The following GALNT17 variants were observed in gnomAD, a reference collection of about 807,000 sequenced individuals.
GALNT17 encodes the protein polypeptide N-acetylgalactosaminyltransferase 17.
Under a neutral mutation model 63.7 loss-of-function variants are expected in GALNT17, and 29 were observed. The observed-to-expected ratio is 0.46, with a 90% confidence interval of 0.34 to 0.62. GALNT17 has a LOEUF of 0.62. Ranked by LOEUF, GALNT17 falls within the 20% of genes least tolerant of loss-of-function variation. GALNT17 has a pLI of 0.01. For missense variants in GALNT17, 603 were observed against 799.6 expected (o/e 0.75, Z 2.97); for synonymous variants, 305 against 318.3 (o/e 0.96, Z 0.45).
chr7:71,274,990 C>G (rs1481669995), intron 1 of GALNT17, among the ~76,000 whole-genome samples: 2 of 152,216 alleles, frequency 1.3e-5, no homozygotes, highest in African/African-American at 4.8e-5. Flanking sequence ...GCCTCTGGCC[C>G]TGGGTCACCA....
Position 71,703,852 on chromosome 7 carries a change from A to G in GALNT17, c.1501-6909A>G, listed in dbSNP as rs1584150300. Among the ~76,000 whole-genome samples the G allele has an allele frequency of 3.3e-5, 5 of 152,306 alleles. No individual in the cohort carries two copies. The East Asian group carries it at 9.7e-4, about 29-fold the overall frequency. On this transcript the variant is annotated intron_variant, in intron 9 of 10. Transcript: ENST00000333538. Reference sequence around the variant, plus strand: ...GAAGGAAATGAGAGTGAAGGAAGACAGGTTTTTGAGAAGTAAGGGAGACAA... The same window carrying G: ...GAAGGAAATGAGAGTGAAGGAAGACGGGTTTTTGAGAAGTAAGGGAGACAA...
chr7:71,405,341 C>T (rs1793309707), intron 3 of GALNT17, among the ~76,000 whole-genome samples: 1 of 152,028 alleles, frequency 6.6e-6, no homozygotes, highest in South Asian at 2.1e-4. Flanking sequence ...TAAGAAGTAC[C>T]TCAGGTTGGG....
chr7:71,435,639 G>A (rs999206923), intron 5 of GALNT17, among the ~76,000 whole-genome samples: 3 of 152,016 alleles, frequency 2.0e-5, no homozygotes, highest in Non-Finnish European at 4.4e-5. Context: ...CAAGAGGACG[G>A]CATCAATTCC....
In GALNT17 at chr7:71,238,967, C is replaced by T. The variant is rs568090747; in HGVS notation, c.239-96583C>T. On this transcript the variant is annotated intron_variant, in intron 1 of 10. Transcript: ENST00000333538. Reference sequence around the variant, plus strand: ...CCGTGAGGTCCCCTTGTAGATAAGCCACATGGCAAGGGCTTGAGGCCTGTC... The same window carrying T: ...CCGTGAGGTCCCCTTGTAGATAAGCTACATGGCAAGGGCTTGAGGCCTGTC... 5.3e-5 allele frequency among the ~76,000 whole-genome samples: 8 copies of T among 152,246 alleles called. No individual in the cohort carries two copies. The East Asian group carries it at 9.7e-4, about 18-fold the overall frequency.
intron 1 of GALNT17, among the ~76,000 whole-genome samples, chr7:71,275,599 C>T (rs1246131605): frequency 6.6e-6 from 1 of 152,130 alleles, no homozygotes; most frequent in Non-Finnish European, 1.5e-5. Context: ...GCGCCTGTCA[C>T]ATGTAAAGGC....
At chr7:71,599,849 A>T (rs1184336479) in intron 6 of GALNT17, among the ~76,000 whole-genome samples, 1 of 152,058 alleles carries the variant, frequency 6.6e-6, no homozygotes, top group Non-Finnish European at 1.5e-5. Context: ...GCACTATTGC[A>T]ATTGACATTT....
At chr7:71,432,394 A>G (rs1172798184) in intron 5 of GALNT17, among the ~76,000 whole-genome samples, 2 of 152,154 alleles carry the variant, frequency 1.3e-5, no homozygotes, top group African/African-American at 2.4e-5. Flanking sequence ...AGAGCCTTGC[A>G]TGACTCTCCT....
chr7:71,619,338 G>C (rs754845874), intron 6 of GALNT17, among the ~76,000 whole-genome samples: 11 of 152,108 alleles, frequency 7.2e-5, no homozygotes, highest in Non-Finnish European at 1.2e-4. Flanking sequence ...GAATGACATT[G>C]GTTGTTTAAT....
chr7:71,398,716 G>A (rs1188240346), intron 3 of GALNT17, among the ~76,000 whole-genome samples: 2 of 152,194 alleles, frequency 1.3e-5, no homozygotes, highest in Non-Finnish European at 2.9e-5. Flanking sequence ...TTAAGGGTAT[G>A]GGATTTGTCT....
chr7:71,639,157 A>T (rs796277984), intron 6 of GALNT17, among the ~76,000 whole-genome samples: 10 of 152,294 alleles, frequency 6.6e-5, no homozygotes, highest in African/African-American at 2.4e-4. Context: ...CCATGATGGG[A>T]TTATTATGCG....
At chr7:71,328,556 C>G (rs1791744317) in intron 1 of GALNT17, among the ~76,000 whole-genome samples, 1 of 152,134 alleles carries the variant, frequency 6.6e-6, no homozygotes, top group South Asian at 2.1e-4. Flanking sequence ...TAAGTTAAGA[C>G]CAACTTGAGT....
intron 1 of GALNT17, among the ~76,000 whole-genome samples, chr7:71,209,324 A>T (rs1356302117): frequency 6.6e-6 from 1 of 152,262 alleles, no homozygotes. Flanking sequence ...AGCAAATTCT[A>T]TGTGCTGGGT....
intron 7 of GALNT17, among the ~76,000 whole-genome samples, chr7:71,669,653 C>T (rs535042792): frequency 1.6e-4 from 24 of 150,804 alleles, no homozygotes; most frequent in African/African-American, 5.8e-4. Flanking sequence ...CCTCCACCTC[C>T]TGGGTTTAAG....
At position 71,372,221 on chromosome 7, in the gene GALNT17, G is replaced by A. The variant is rs531993780; in HGVS notation, c.423-16014G>A. The stretch of plus-strand genomic sequence containing the variant: ...TTGCCCAGGCCCAGGCCCGAGTGCA[G>A]TGGCACAATCTTGGCTCACTGCAAC... On this transcript the variant is annotated intron_variant, in intron 2 of 10. Transcript: ENST00000333538. Among the ~76,000 whole-genome samples the A allele has an allele frequency of 2.0e-5, 3 of 152,256 alleles. No homozygotes were observed. The East Asian group carries it at 5.8e-4, about 29-fold the overall frequency.
intron 1 of GALNT17, among the ~76,000 whole-genome samples, chr7:71,171,853 G>T (rs578115133): frequency 1.3e-5 from 2 of 152,230 alleles, no homozygotes; most frequent in South Asian, 4.2e-4. Context: ...AAGAATGGAG[G>T]GTTACAAATT....
chr7:71,348,253 T>C (rs1357038460), intron 2 of GALNT17, among the ~76,000 whole-genome samples: 3 of 139,702 alleles, frequency 2.1e-5, no homozygotes, highest in Non-Finnish European at 4.6e-5. Context: ...TGAGTGAGAC[T>C]CTGTCTCAAA....
At chr7:71,143,464 G>A (rs1471186782) in intron 1 of GALNT17, among the ~76,000 whole-genome samples, 11 of 151,698 alleles carry the variant, frequency 7.3e-5, no homozygotes, top group African/African-American at 2.7e-4. Context: ...GGTGGTCAGA[G>A]CCAGAACTAC....
At chr7:71,680,523 C>T (rs1351589181) in intron 9 of GALNT17, among the ~76,000 whole-genome samples, 65 of 18,012 alleles carry the variant, frequency 3.6e-3, no homozygotes, top group East Asian at 6.9e-3. Context: ...TCCCTCTCTC[C>T]CTTCCTCCCT....
intron 3 of GALNT17, among the ~76,000 whole-genome samples, chr7:71,405,754 C>T (rs1033631101): frequency 1.3e-5 from 2 of 152,152 alleles, no homozygotes; most frequent in Admixed American, 6.5e-5. Context: ...TGTAAGGACA[C>T]TCATCCCATT....
Sources: gnomAD v4.1 joint callset for allele counts (sites outside exome capture counted in the v4.1 genomes callset) on GRCh38, gnomAD v4.1.1 for gene constraint, MANE v1.5 for transcripts, NCBI Gene and HGNC (gene_info 2026-07-23, HGNC 2026-07-21) for gene names.